EPS15L1: variants seen among roughly 807,000 people sequenced by gnomAD.
EPS15L1 encodes the protein epidermal growth factor receptor substrate 15-like 1.
In EPS15L1, 43 loss-of-function variants were observed where a neutral mutation model predicts 117.1. That is an observed-to-expected ratio of 0.37 (90% CI 0.29 to 0.47). EPS15L1 has a LOEUF of 0.47. EPS15L1 is among the 20% of genes least tolerant of loss of function. The pLI is 0.99. For synonymous variants in EPS15L1, 459 were observed against 470.5 expected (o/e 0.98, Z 0.32); for missense variants, 981 against 1,164.0 (o/e 0.84, Z 2.29).
rs1240428113 is a variant in EPS15L1 at position 16,471,688 on chromosome 19, C to T, written c.33+225G>A. On this transcript the variant is annotated intron_variant, in intron 1 of 23. Coordinates refer to ENST00000455140, the MANE Select transcript of EPS15L1 (RefSeq NM_001258374.3). This position sits in a 1 kb window ranked among gnomAD's most constrained non-coding sequence, Gnocchi z 4.8. ...CTGGGCGGAGAGGACACGCGCTGCG[C>T]ACCTCCTCGCCTCGCCGGTGCCCGC... 1.5e-4 allele frequency among the ~76,000 whole-genome samples: 23 copies of T among 152,002 alleles called. No homozygotes were observed. Among genetic ancestry groups the T allele is most frequent in the Non-Finnish European group, 2.6e-4 (18 of 67,946 alleles).
intron 10 of EPS15L1, among the ~76,000 whole-genome samples, chr19:16,418,905 G>A (rs560695677): frequency 7.2e-5 from 11 of 152,214 alleles, no homozygotes; most frequent in East Asian, 1.9e-4. Flanking sequence ...CCCCAGAGCC[G>A]TGAGAAATGT....
upstream of EPS15L1, chr19:16,472,011 C>T (rs1441441495): frequency 7.5e-6 from 9 of 1,206,902 alleles, no homozygotes; most frequent in African/African-American, 1.6e-5. Context: ...CGCGTGCGCA[C>T]TGGGACGACG....
chr19:16,428,468 G>A (rs2092896327), intron 8 of EPS15L1, among the ~76,000 whole-genome samples: 1 of 116,472 alleles, frequency 8.6e-6, no homozygotes, highest in Non-Finnish European at 1.8e-5. Flanking sequence ...GACAGAGAGA[G>A]GAGAGAGGGA....
rs181449584 is a variant in EPS15L1 at position 16,455,738 on chromosome 19, G to A, written c.34-13519C>T. Among the ~76,000 whole-genome samples, 498 of 152,284 alleles carry A rather than the reference G, an allele frequency of 3.3e-3. 10 individuals carry two copies. Among genetic ancestry groups the A allele is most frequent in the Non-Finnish European group, 2.8e-3 (192 of 68,026 alleles). ...AGCTTCTGCATCTGGAGATGAGGGT[G>A]AGCACTCCCACCCCCGGGGACTTGT... is the stretch of plus-strand genomic sequence containing the variant. On this transcript the variant is annotated intron_variant, in intron 1 of 23. Transcript: ENST00000455140.
chr19:16,403,074 T>C (rs765292313), intron 15 of EPS15L1, among the ~76,000 whole-genome samples: 11 of 152,154 alleles, frequency 7.2e-5, no homozygotes, highest in South Asian at 2.1e-4. Context: ...ACCAGTTCAA[T>C]TGGTAAAAGA....
chr19:16,441,177 A>C, intron 3 of EPS15L1: 8 of 487,184 alleles, frequency 1.6e-5, no homozygotes, highest in East Asian at 3.8e-5. Flanking sequence ...CCCCCAACTA[A>C]AGTCCGCAAG....
chr19:16,392,554 G>A lies in EPS15L1; in HGVS notation c.1967-114C>T, dbSNP rs965937188. ...CATGAAATTCTAGAAAGGTAAGAACGCTAGTGACGGAAAACAGGATAATGG... is the reference window on the plus strand; with the variant it reads ...CATGAAATTCTAGAAAGGTAAGAACACTAGTGACGGAAAACAGGATAATGG... On this transcript the variant is annotated intron_variant, in intron 18 of 23. Transcript: ENST00000455140. 4.7e-5 allele frequency: 49 copies of A among 1,049,280 alleles called. No homozygotes were observed. In the South Asian group the frequency reaches 6.1e-4, roughly 13 times the overall value. The allele number at this position is 1,049,280 out of a possible 1,614,324, so 65.0% of individuals were successfully genotyped here.
intron 6 of EPS15L1, 79 bp from the exon 7 acceptor site, chr19:16,434,569 A>C (rs1044205421): frequency 2.7e-6 from 4 of 1,496,942 alleles, no homozygotes; most frequent in Non-Finnish European, 9.1e-7. Context: ...ACCGAAAGCC[A>C]AGTGAAAATG....
Position 16,471,089 on chromosome 19 carries a change from G to C in EPS15L1, c.33+824C>G, listed in dbSNP as rs1443460995. Among the ~76,000 whole-genome samples the C allele has an allele frequency of 6.6e-6, 1 of 152,114 alleles. No individual in the cohort carries two copies. Among genetic ancestry groups the C allele is most frequent in the Non-Finnish European group, 1.5e-5 (1 of 68,022 alleles). On this transcript the variant is annotated intron_variant, in intron 1 of 23. Transcript: ENST00000455140. The surrounding 1 kb of genome is among the most constrained non-coding windows in gnomAD (Gnocchi z 4.8). ...ATCATTCTAGCAAAATGCTTATATG[G>C]TGCTTTGCACAACACAGGTATTCAG...
At position 16,405,063 on chromosome 19, in the gene EPS15L1, G is replaced by A. The variant is rs1177819621; in HGVS notation, c.1267-314C>T. Among the ~76,000 whole-genome samples, 1 of 152,264 alleles carries A rather than the reference G, an allele frequency of 6.6e-6. No individual in the cohort carries two copies. The highest frequency in any genetic ancestry group is 1.9e-4 in the East Asian group (1 of 5,206). On this transcript the variant is annotated intron_variant, in intron 13 of 23. Coordinates refer to ENST00000455140, the MANE Select transcript of EPS15L1 (RefSeq NM_001258374.3). This position sits in a 1 kb window ranked among gnomAD's most constrained non-coding sequence, Gnocchi z 4.0. ...CGGATGACATGCAGCTGTGGCTGCG[G>A]AGGGGAACATCACCCAAACGCAAAT...
intron 9 of EPS15L1, 138 bp from the exon 10 acceptor site, chr19:16,421,614 G>A: frequency 6.7e-6 from 6 of 894,124 alleles, no homozygotes; most frequent in Non-Finnish European, 1.0e-5. Flanking sequence ...GAGCCAAGAG[G>A]GCAGATGTGA....
intron 8 of EPS15L1, 40 bp from the exon 9 acceptor site, chr19:16,425,356 TG>T (rs2092860517): frequency 1.4e-6 from 2 of 1,425,752 alleles, no homozygotes; most frequent in South Asian, 2.4e-5. Context: ...GGGGCAAGGC[TG>T]GGGCCGGGAC....
intron 1 of EPS15L1, among the ~76,000 whole-genome samples, chr19:16,466,659 T>C (rs1599700671): frequency 6.6e-6 from 1 of 151,924 alleles, no homozygotes; most frequent in African/African-American, 2.4e-5. Flanking sequence ...TCCCAGCACT[T>C]TGGGAGGCTG....
In EPS15L1 at chr19:16,428,397, GAAAGA is replaced by G. The variant is rs1238439823; in HGVS notation, c.558+300_558+304del. On this transcript the variant is annotated intron_variant, in intron 8 of 23. Transcript: ENST00000455140. The stretch of plus-strand genomic sequence containing the variant: ...AAAAACAAAAAAAAAAAGAAAGAAA[GAAAGA>G]AAAGGGAGGGAGGGAAGGAAGGAAG... 9.7e-4 allele frequency among the ~76,000 whole-genome samples: 126 copies of G among 130,386 alleles called. 1 individual carries two copies. The highest frequency in any genetic ancestry group is 6.8e-3 in the South Asian group (26 of 3,832). The allele number at this position is 130,386 out of a possible 152,430, so 85.5% of individuals were successfully genotyped here.
intron 7 of EPS15L1, among the ~76,000 whole-genome samples, chr19:16,431,538 G>A (rs1023798700): frequency 5.3e-5 from 8 of 152,018 alleles, no homozygotes; most frequent in East Asian, 1.9e-4. Context: ...TTTTGATCTC[G>A]TGATCTGCCC....
chr19:16,417,470 T>G (rs546868973), intron 12 of EPS15L1, 82 bp downstream of exon 12: 2 of 1,214,498 alleles, frequency 1.6e-6, no homozygotes, highest in Non-Finnish European at 2.4e-6. Context: ...AACTTCCAGG[T>G]GAGCCTCTGA....
chr19:16,438,586 G>A (rs1599650265), intron 4 of EPS15L1, among the ~76,000 whole-genome samples: 1 of 152,162 alleles, frequency 6.6e-6, no homozygotes, highest in Non-Finnish European at 1.5e-5. Flanking sequence ...CCAGAGTGCA[G>A]TGGCGCAATC....
At chr19:16,465,872 A>C (rs778171155) in intron 1 of EPS15L1, among the ~76,000 whole-genome samples, 2 of 152,204 alleles carry the variant, frequency 1.3e-5, no homozygotes, top group Non-Finnish European at 2.9e-5. Flanking sequence ...CCAAGACAAG[A>C]AACTATGGTG....
At chr19:16,468,827 C>T (rs921943820) in intron 1 of EPS15L1, among the ~76,000 whole-genome samples, 1 of 152,098 alleles carries the variant, frequency 6.6e-6, no homozygotes, top group African/African-American at 2.4e-5. Flanking sequence ...GCCTAGGCAG[C>T]ATAGCAAGAC....
Sources: allele counts gnomAD v4.1 joint callset (sites outside exome capture counted in the v4.1 genomes callset), GRCh38; gene constraint gnomAD v4.1.1; non-coding constraint Gnocchi (gnomAD v3.1); transcripts MANE v1.5; gene names NCBI Gene and HGNC (gene_info 2026-07-23, HGNC 2026-07-21).